The following DENND2B variants were observed in gnomAD, a reference collection of about 807,000 sequenced individuals.
DENND2B encodes DENN domain containing 2B.
In DENND2B, 32 loss-of-function variants were observed where a neutral mutation model predicts 116.0. The ratio of observed to expected loss-of-function variants is 0.28; its 90% CI spans 0.21 to 0.37. The LOEUF (loss-of-function observed/expected upper bound fraction) is 0.37. DENND2B is among the 10% of genes least tolerant of loss of function. The probability of loss-of-function intolerance (pLI) is 1.00; values close to 1 mark genes in which losing one functional copy is unlikely to be tolerated. For synonymous variants in DENND2B, 588 were observed against 583.9 expected (o/e 1.01, Z -0.10); for missense variants, 1,276 against 1,477.7 (o/e 0.86, Z 2.24).
At chr11:8,872,280 A>C (rs2063792762), upstream of DENND2B, among the ~76,000 whole-genome samples, 1 of 152,242 alleles carries the variant, frequency 6.6e-6, no homozygotes, top group Middle Eastern at 3.4e-3. Flanking sequence ...TCAGGTCAAG[A>C]GTTCAAGACC....
At chr11:8,815,983 T>C (rs550201928) in intron 4 of DENND2B, among the ~76,000 whole-genome samples, 3 of 152,110 alleles carry the variant, frequency 2.0e-5, no homozygotes, top group East Asian at 1.9e-4. Context: ...ACTAGAGGGG[T>C]TTATAGTACT....
At chr11:8,778,994 C>T (rs2058053995) in intron 1 of DENND2B, among the ~76,000 whole-genome samples, 1 of 152,222 alleles carries the variant, frequency 6.6e-6, no homozygotes, top group African/African-American at 2.4e-5. Context: ...TCCCTAATAA[C>T]ATTGACAGTA....
At chr11:8,794,052 G>C (rs11042068) in intron 1 of DENND2B, among the ~76,000 whole-genome samples, 41,193 of 152,084 alleles carry the variant, frequency 0.27, 6,305 homozygotes, top group Middle Eastern at 0.42. Flanking sequence ...TCTGGGGCAT[G>C]GGTTTATAGA....
intron 1 of DENND2B, among the ~76,000 whole-genome samples, chr11:8,768,458 A>G (rs1451827698): frequency 6.6e-6 from 1 of 152,082 alleles, no homozygotes; most frequent in Non-Finnish European, 1.5e-5. Flanking sequence ...TATTTTGCCC[A>G]GGCTGGTCTC....
At chr11:8,715,475 A>T in intron 6 of DENND2B, 128 bp downstream of exon 6, 1 of 933,180 alleles carries the variant, frequency 1.1e-6, no homozygotes. Context: ...CGGACCCAGA[A>T]TTTATTCAAA....
chr11:8,749,840 G>A (rs2052020538), intron 2 of DENND2B, among the ~76,000 whole-genome samples: 1 of 152,178 alleles, frequency 6.6e-6, no homozygotes, highest in Non-Finnish European at 1.5e-5. Flanking sequence ...TAATAAAAAA[G>A]ACTAAAGGTT....
chr11:8,845,765 G>A (rs1296691450), intron 3 of DENND2B, among the ~76,000 whole-genome samples: 3 of 152,190 alleles, frequency 2.0e-5, no homozygotes, highest in Non-Finnish European at 4.4e-5. Flanking sequence ...TACCCTGTCT[G>A]AAGACTACTA....
chr11:8,696,440 C>T lies in DENND2B; in HGVS notation c.3279G>A (p.Lys1093=), dbSNP rs150693370. 2 of 1,614,202 alleles carry T rather than the reference C, an allele frequency of 1.2e-6. No individual in the cohort carries two copies. The highest frequency in any genetic ancestry group is 2.7e-5 in the African/African-American group (2 of 75,040). The change falls in exon 18 of 20, where the codon AAG becomes AAA. Residue 1093 remains lysine (K), a synonymous_variant. Coordinates refer to ENST00000313726, the MANE Select transcript of DENND2B (RefSeq NM_213618.2). ...AGFIQDRELR[K]CRAKGLFEQR... is the part of the protein sequence containing the mutation. ...ACCAAGACTTACCCTTTGCCCGACA[C>T]TTTCTTAGCTCCCTGTCTTGGATGA... is the stretch of plus-strand genomic sequence containing the variant.
intron 4 of DENND2B, among the ~76,000 whole-genome samples, chr11:8,721,772 C>T (rs1346893783): frequency 1.3e-5 from 2 of 152,214 alleles, no homozygotes; most frequent in Non-Finnish European, 2.9e-5. Flanking sequence ...TTACTGTTTC[C>T]CAGCCTGGGG....
chr11:8,821,697 GA>G (rs1303415454), intron 4 of DENND2B, among the ~76,000 whole-genome samples: 3 of 152,102 alleles, frequency 2.0e-5, no homozygotes, highest in African/African-American at 7.2e-5. Context: ...ATATGCAAGT[GA>G]AAAAAATTTA....
intron 1 of DENND2B, among the ~76,000 whole-genome samples, chr11:8,886,245 C>T (rs2063959646): frequency 1.3e-5 from 2 of 152,114 alleles, no homozygotes; most frequent in Admixed American, 6.5e-5. Flanking sequence ...TAGAAATATT[C>T]TTCTGAGTAC....
chr11:8,723,703 C>G (rs541324135), intron 4 of DENND2B, among the ~76,000 whole-genome samples: 1 of 152,232 alleles, frequency 6.6e-6, no homozygotes, highest in African/African-American at 2.4e-5. Flanking sequence ...GTTCTGATGC[C>G]CCTAGCTCTT....
chr11:8,699,540 CG>C (rs1169090095), intron 14 of DENND2B, 150 bp from the exon 15 acceptor site: 20 of 727,138 alleles, frequency 2.8e-5, no homozygotes, highest in Non-Finnish European at 4.3e-5. Context: ...GTAAAGTCCC[CG>C]CTTTCCCACT....
At chr11:8,840,892 T>C (rs2062600632) in intron 3 of DENND2B, among the ~76,000 whole-genome samples, 1 of 152,172 alleles carries the variant, frequency 6.6e-6, no homozygotes, top group African/African-American at 2.4e-5. Context: ...CACCAGAATA[T>C]TCCATATTGA....
intron 1 of DENND2B, among the ~76,000 whole-genome samples, chr11:8,783,264 G>A (rs538034517): frequency 6.6e-6 from 1 of 152,042 alleles, no homozygotes; most frequent in Non-Finnish European, 1.5e-5. Flanking sequence ...ACGTTGCCCA[G>A]GCTGGTCTCA....
At chr11:8,838,077 T>G (rs1348125640) in intron 4 of DENND2B, among the ~76,000 whole-genome samples, 2 of 152,132 alleles carry the variant, frequency 1.3e-5, no homozygotes, top group East Asian at 1.9e-4. Flanking sequence ...TTTCCATCAG[T>G]TTTTCTTACC....
At chr11:8,823,550 T>C (rs2061847741) in intron 4 of DENND2B, among the ~76,000 whole-genome samples, 1 of 152,142 alleles carries the variant, frequency 6.6e-6, no homozygotes, top group East Asian at 1.9e-4. Context: ...ATGGGGGCCA[T>C]TTCCCCCACG....
At chr11:8,742,467 C>T (rs1479442453) in intron 2 of DENND2B, among the ~76,000 whole-genome samples, 1 of 152,006 alleles carries the variant, frequency 6.6e-6, no homozygotes. Context: ...TAAGGAAATG[C>T]TATTAGAAGC....
chr11:8,698,832 C>T (rs2040935538), intron 16 of DENND2B, 101 bp downstream of exon 16: 6 of 1,412,786 alleles, frequency 4.2e-6, no homozygotes, highest in South Asian at 1.2e-5. Context: ...AGTACTGAAC[C>T]CAGAGAGAGA....
Sources: gnomAD v4.1 joint callset for allele counts (sites outside exome capture counted in the v4.1 genomes callset) on GRCh38, gnomAD v4.1.1 for gene constraint, MANE v1.5 for transcripts, NCBI Gene and HGNC (gene_info 2026-07-23, HGNC 2026-07-21) for gene names.